ARHGAP29: variants seen among roughly 807,000 people sequenced by gnomAD.
ARHGAP29 encodes the protein rho GTPase-activating protein 29.
ARHGAP29 carries 43 observed loss-of-function variants against 122.6 expected under a neutral mutation model. The ratio of observed to expected loss-of-function variants is 0.35; its 90% CI spans 0.27 to 0.45. ARHGAP29 has a LOEUF of 0.45. Ranked by LOEUF, ARHGAP29 falls within the 20% of genes least tolerant of loss-of-function variation. The pLI is 1.00. For missense variants in ARHGAP29, 1,303 were observed against 1,477.2 expected (o/e 0.88, Z 1.93); for synonymous variants, 506 against 497.1 (o/e 1.02, Z -0.24).
intron 1 of ARHGAP29, among the ~76,000 whole-genome samples, chr1:94,274,653 A>G (rs1392389621): frequency 6.6e-6 from 1 of 152,208 alleles, no homozygotes; most frequent in African/African-American, 2.4e-5. Context: ...AGGGATTGGG[A>G]TACCAAGAAA....
At position 94,202,651 on chromosome 1, in the gene ARHGAP29, T is replaced by C. The variant is rs988995413; in HGVS notation, c.1036A>G (p.Met346Val). The C allele has an allele frequency of 5.0e-6, 8 of 1,613,908 alleles. No homozygotes were observed. In the African/African-American group the frequency reaches 8.0e-5, roughly 16 times the overall value. ...QDEYEKAKSS[M>V]FRAEEEHLSS... ...AGATGCTCCTCTTCTGCACGAAACA[T>C]GGAAGACTTTGCTTTCTCATATTCA... Residue 346 changes from methionine (M) to valine (V), a missense_variant, in exon 11 of 23, where the codon ATG becomes GTG. By Grantham distance (21) the Met-to-Val change is conservative. Around this residue, in one of 3 missense-constraint regions of ARHGAP29, gnomAD observed 592 missense variants for 648.2 expected, o/e 0.91. Transcript: ENST00000260526.
intron 17 of ARHGAP29, 21 bp downstream of exon 17, chr1:94,185,321 A>G (rs545081951): frequency 3.2e-6 from 5 of 1,558,630 alleles, no homozygotes; most frequent in Non-Finnish European, 4.3e-6. Context: ...AAGGGTCAAC[A>G]CAATTCCACA....
the ARHGAP29 span, among the ~76,000 whole-genome samples, chr1:94,309,816 T>A: frequency 6.6e-6 from 1 of 152,010 alleles, no homozygotes; most frequent in African/African-American, 2.4e-5. Context: ...TAAGTTCAGG[T>A]CTCTAGGTAA....
the ARHGAP29 span, among the ~76,000 whole-genome samples, chr1:94,288,942 T>G: frequency 6.6e-6 from 1 of 152,216 alleles, no homozygotes; most frequent in Non-Finnish European, 1.5e-5. Flanking sequence ...CCAGCTTTTT[T>G]CTTTTTGCTT....
At chr1:94,196,957 C>T (rs1001101361) in intron 12 of ARHGAP29, among the ~76,000 whole-genome samples, 2 of 151,890 alleles carry the variant, frequency 1.3e-5, no homozygotes, top group Non-Finnish European at 2.9e-5. Context: ...ACAACATAAG[C>T]TTGTGCTTTA....
chr1:94,312,354 T>TG, the ARHGAP29 span, among the ~76,000 whole-genome samples: 3 of 145,142 alleles, frequency 2.1e-5, no homozygotes, highest in East Asian at 3.9e-4. Flanking sequence ...CATTTTTATT[T>TG]GTTTTTTTTT....
intron 1 of ARHGAP29, among the ~76,000 whole-genome samples, chr1:94,247,089 G>A (rs570252507): frequency 6.6e-6 from 1 of 152,258 alleles, no homozygotes; most frequent in African/African-American, 2.4e-5. Context: ...TATGGAACAT[G>A]AGATGTCTGT....
intron 22 of ARHGAP29, among the ~76,000 whole-genome samples, chr1:94,175,944 C>T (rs780300232): frequency 1.7e-4 from 26 of 152,092 alleles, no homozygotes; most frequent in Non-Finnish European, 3.1e-4. Flanking sequence ...GCTTCAAGAT[C>T]CGCACACCTC....
At chr1:94,205,375 T>C (rs1570536051) in intron 6 of ARHGAP29, among the ~76,000 whole-genome samples, 177 bp from the exon 7 acceptor site, 1 of 152,316 alleles carries the variant, frequency 6.6e-6, no homozygotes, top group Middle Eastern at 3.4e-3. Context: ...TTTCAAACTA[T>C]AATGTATTTT....
At chr1:94,285,276 C>T in the ARHGAP29 span, among the ~76,000 whole-genome samples, 5 of 151,888 alleles carry the variant, frequency 3.3e-5, no homozygotes, top group South Asian at 1.0e-3. Context: ...GTCATTCATT[C>T]CACAAAAACA....
Position 94,231,585 on chromosome 1 carries a change from T to C in ARHGAP29, c.27A>G (p.Thr9=). The C allele has an allele frequency of 6.2e-7, 1 of 1,613,516 alleles. No individual in the cohort carries two copies. Among genetic ancestry groups the C allele is most frequent in the South Asian group, 1.1e-5 (1 of 90,982 alleles). The stretch of plus-strand genomic sequence containing the variant: ...CTGATGCCCAAGCACGTTTTTTCTT[T>C]GTCTTTTTCTGTTTGTGAGCAATCA... The part of the protein sequence containing the change: MIAHKQKK[T]KKKRAWASGQ... The change falls in exon 2 of 23, where the codon ACA becomes ACG. Residue 9 remains threonine, a synonymous_variant. Transcript: ENST00000260526.
intron 2 of ARHGAP29, among the ~76,000 whole-genome samples, chr1:94,222,491 T>A (rs1570566598): frequency 6.6e-6 from 1 of 152,166 alleles, no homozygotes; most frequent in African/African-American, 2.4e-5. Context: ...CAATATCCCA[T>A]AACTCCGGTC....
chr1:94,285,434 A>T, the ARHGAP29 span, among the ~76,000 whole-genome samples: 1 of 152,162 alleles, frequency 6.6e-6, no homozygotes, highest in African/African-American at 2.4e-5. Context: ...GCATGATAAG[A>T]GCTGTAATAA....
intron 1 of ARHGAP29, among the ~76,000 whole-genome samples, chr1:94,254,803 C>A (rs1236844240): frequency 3.3e-5 from 5 of 152,188 alleles, no homozygotes. Flanking sequence ...TCACAGAGAG[C>A]TGGCATTTTA....
chr1:94,289,524 C>A, the ARHGAP29 span, among the ~76,000 whole-genome samples: 1 of 152,180 alleles, frequency 6.6e-6, no homozygotes, highest in African/African-American at 2.4e-5. Context: ...ACTTCCAACA[C>A]TATGTTGAAT....
chr1:94,280,053 T>TCCTGTGATACAGTACTTTG (rs1481143028), upstream of ARHGAP29, among the ~76,000 whole-genome samples: 8 of 151,992 alleles, frequency 5.3e-5, no homozygotes, highest in Non-Finnish European at 1.0e-4. Context: ...ACAGTACTTT[T>TCCTGTGATACAGTACTTTG]ATGTTATATA....
intron 15 of ARHGAP29, among the ~76,000 whole-genome samples, chr1:94,188,066 A>T (rs1246966711): frequency 6.6e-6 from 1 of 152,204 alleles, no homozygotes; most frequent in Non-Finnish European, 1.5e-5. Context: ...GTTGCCAGAA[A>T]GAATGGGCCT....
At chr1:94,176,231 A>G (rs908003221) in intron 22 of ARHGAP29, among the ~76,000 whole-genome samples, 2 of 152,184 alleles carry the variant, frequency 1.3e-5, no homozygotes, top group South Asian at 2.1e-4. Flanking sequence ...TCACTGTCCT[A>G]TGTGTCTTCA....
At chr1:94,182,480 T>TACACCCAC (rs1335479353) in intron 19 of ARHGAP29, among the ~76,000 whole-genome samples, 3 of 151,650 alleles carry the variant, frequency 2.0e-5, no homozygotes, top group African/African-American at 2.4e-5. Flanking sequence ...GTGGATAAAA[T>TACACCCAC]ACACCCACAT....
Sources: gnomAD v4.1 joint callset for allele counts (sites outside exome capture counted in the v4.1 genomes callset) on GRCh38, gnomAD v4.1.1 for gene constraint, gnomAD v4.1.1 regional missense constraint, MANE v1.5 for transcripts, NCBI Gene and HGNC (gene_info 2026-07-23, HGNC 2026-07-21) for gene names.